The following DGKB variants were observed in gnomAD, a reference collection of about 807,000 sequenced individuals.
DGKB encodes the protein diacylglycerol kinase beta, also known as 90 kDa diacylglycerol kinase.
Under a neutral mutation model 114.3 loss-of-function variants are expected in DGKB, and 67 were observed. That is an observed-to-expected ratio of 0.59 (90% CI 0.48 to 0.72). DGKB has a LOEUF of 0.72. Among genes scored for constraint, DGKB ranks in the 30% least tolerant of loss-of-function variants. The pLI is 0.00. For synonymous variants in DGKB, 398 were observed against 323.1 expected (o/e 1.23, Z -2.49); for missense variants, 907 against 975.2 (o/e 0.93, Z 0.93).
intron 23 of DGKB, among the ~76,000 whole-genome samples, chr7:14,250,467 C>A (rs192057563): frequency 1.3e-5 from 2 of 152,008 alleles, no homozygotes; most frequent in Admixed American, 6.5e-5. Context: ...TTCCAATATT[C>A]TTCCTGTTAT....
intron 1 of DGKB, among the ~76,000 whole-genome samples, chr7:14,960,216 C>T (rs1032886307): frequency 1.1e-4 from 16 of 152,064 alleles, no homozygotes; most frequent in South Asian, 8.3e-4. Context: ...TGAGGTGTGA[C>T]GAATGCGTTT....
chr7:14,350,025 C>T (rs773229532), intron 21 of DGKB, among the ~76,000 whole-genome samples: 5 of 152,074 alleles, frequency 3.3e-5, no homozygotes, highest in African/African-American at 1.2e-4. Context: ...TTTGAATTAA[C>T]GTAGTAAACC....
At chr7:14,958,378 G>C (rs146414750) in intron 1 of DGKB, among the ~76,000 whole-genome samples, 1 of 148,040 alleles carries the variant, frequency 6.8e-6, no homozygotes, top group African/African-American at 2.5e-5. Context: ...GTGTTACACA[G>C]TTACTAGTTT....
chr7:14,520,999 T>C (rs2128564577), intron 20 of DGKB, among the ~76,000 whole-genome samples: 1 of 152,240 alleles, frequency 6.6e-6, no homozygotes, highest in Non-Finnish European at 1.5e-5. Flanking sequence ...AGGGGTTTTT[T>C]CTTTCAGCCC....
intron 23 of DGKB, among the ~76,000 whole-genome samples, chr7:14,181,497 A>C (rs1262447574): frequency 1.3e-5 from 2 of 152,212 alleles, no homozygotes. Context: ...TTATCACGGA[A>C]CACCAAAAGT....
chr7:14,952,982 AT>A (rs1176416995), intron 1 of DGKB, among the ~76,000 whole-genome samples: 1 of 152,084 alleles, frequency 6.6e-6, no homozygotes, highest in Non-Finnish European at 1.5e-5. Flanking sequence ...ATTTCAACAA[AT>A]GGTGTTTTAG....
At chr7:14,474,560 A>C (rs1422424939) in intron 21 of DGKB, among the ~76,000 whole-genome samples, 2 of 152,104 alleles carry the variant, frequency 1.3e-5, no homozygotes. Flanking sequence ...ACTGCTTTGC[A>C]TGTTTTTCTA....
At chr7:14,866,462 C>T (rs1184034683) in intron 1 of DGKB, among the ~76,000 whole-genome samples, 2 of 152,110 alleles carry the variant, frequency 1.3e-5, no homozygotes, top group African/African-American at 2.4e-5. Context: ...TGTAATTCTG[C>T]CTTTTTCAGA....
chr7:14,860,944 T>A (rs1318816243), intron 1 of DGKB, among the ~76,000 whole-genome samples: 1 of 151,990 alleles, frequency 6.6e-6, no homozygotes, highest in Admixed American at 6.6e-5. Flanking sequence ...AGACACAATG[T>A]ATGTCCTTCA....
chr7:14,220,311 G>A (rs755843600), intron 23 of DGKB, among the ~76,000 whole-genome samples: 7 of 151,506 alleles, frequency 4.6e-5, no homozygotes, highest in Non-Finnish European at 1.0e-4. Flanking sequence ...TGTATAGCAC[G>A]AAATAAGAGT....
At chr7:14,166,828 A>T (rs909321256) in intron 25 of DGKB, among the ~76,000 whole-genome samples, 4 of 152,162 alleles carry the variant, frequency 2.6e-5, no homozygotes, top group African/African-American at 9.7e-5. Context: ...CCAGGTACAG[A>T]TAGAAAGTGC....
chr7:14,320,409 A>G (rs6962605), intron 23 of DGKB, among the ~76,000 whole-genome samples: 19,103 of 152,164 alleles, frequency 0.13, 3,460 homozygotes, highest in African/African-American at 0.4. Flanking sequence ...CTCAGTTGAC[A>G]TATAGTTTTC....
At chr7:14,338,436 C>G in intron 23 of DGKB, 79 bp downstream of exon 23, 2 of 819,074 alleles carry the variant, frequency 2.4e-6, no homozygotes. Context: ...TATAGTGCAA[C>G]GGAAGACTCT....
At chr7:14,721,391 G>A (rs1829142271) in intron 5 of DGKB, among the ~76,000 whole-genome samples, 1 of 152,072 alleles carries the variant, frequency 6.6e-6, no homozygotes. Context: ...TTAGCATCAC[G>A]TTTTTGAAGG....
intron 1 of DGKB, among the ~76,000 whole-genome samples, chr7:14,969,783 G>C (rs144325833): frequency 2.0e-5 from 3 of 152,232 alleles, no homozygotes; most frequent in Admixed American, 6.5e-5. Context: ...AAATGTTATA[G>C]CCTATTGCTC....
chr7:14,950,130 A>C (rs1786106243), intron 1 of DGKB, among the ~76,000 whole-genome samples: 1 of 151,952 alleles, frequency 6.6e-6, no homozygotes, highest in African/African-American at 2.4e-5. Flanking sequence ...AAAATGTTGG[A>C]AAGACCAAGA....
chr7:14,647,509 C>G (rs1000437613), intron 13 of DGKB, among the ~76,000 whole-genome samples: 1 of 152,144 alleles, frequency 6.6e-6, no homozygotes, highest in African/African-American at 2.4e-5. Context: ...GATAACAAAA[C>G]GAAACACAGA....
chr7:14,725,183 A>C (rs1023075949), intron 5 of DGKB, among the ~76,000 whole-genome samples: 2 of 152,108 alleles, frequency 1.3e-5, no homozygotes, highest in African/African-American at 4.8e-5. Context: ...AAAACAAAAA[A>C]CAGAAAACAA....
At chr7:14,352,132 G>A (rs763925033) in intron 21 of DGKB, among the ~76,000 whole-genome samples, 17 of 152,080 alleles carry the variant, frequency 1.1e-4, no homozygotes, top group Non-Finnish European at 2.4e-4. Flanking sequence ...AATGAAATAA[G>A]CTACAGAAAC....
Sources: allele counts gnomAD v4.1 joint callset (sites outside exome capture counted in the v4.1 genomes callset), GRCh38; gene constraint gnomAD v4.1.1; transcripts MANE v1.5; gene names NCBI Gene and HGNC (gene_info 2026-07-23, HGNC 2026-07-21).